Variants in KRABD2 observed in about 807,000 individuals in gnomAD.
The protein encoded by KRABD2 is KRAB domain-containing protein 2.
At chr17:8,361,675 A>G in the KRABD2 span, among the ~76,000 whole-genome samples, 1 of 152,130 alleles carries the variant, frequency 6.6e-6, no homozygotes, top group Non-Finnish European at 1.5e-5. Context: ...CTTCCACCTC[A>G]GCCACCCAAG....
the KRABD2 span, chr17:8,373,598 C>G: frequency 1.1e-5 from 2 of 177,660 alleles, no homozygotes; most frequent in South Asian, 1.0e-4. Context: ...GCTGCCACCC[C>G]GTCTGGGAAG....
the KRABD2 span, chr17:8,372,124 AAG>A: frequency 2.0e-6 from 2 of 981,394 alleles, no homozygotes; most frequent in Non-Finnish European, 2.4e-6. The surrounding 1 kb of genome is among the most constrained non-coding windows in gnomAD (Gnocchi z 4.1). Flanking sequence ...GGCTCTGAGC[AAG>A]AGTCTCAGTT....
chr17:8,375,705 T>C, the KRABD2 span: 44 of 196,688 alleles, frequency 2.2e-4, no homozygotes, highest in African/African-American at 5.2e-4. Context: ...TTCTTTCTTT[T>C]TTTTTTTTTT....
chr17:8,375,073 G>A, the KRABD2 span, among the ~76,000 whole-genome samples: 3 of 150,858 alleles, frequency 2.0e-5, no homozygotes, highest in African/African-American at 7.3e-5. Context: ...GTGCAGTGGC[G>A]CGATCCCGGC....
At chr17:8,366,137 A>T in the KRABD2 span, among the ~76,000 whole-genome samples, 3 of 150,792 alleles carry the variant, frequency 2.0e-5, no homozygotes, top group African/African-American at 7.4e-5. Flanking sequence ...TCAAAAAAAA[A>T]ATAATAAAAT....
chr17:8,371,413 G>A, the KRABD2 span: 2 of 1,614,126 alleles, frequency 1.2e-6, no homozygotes, highest in South Asian at 2.2e-5. Flanking sequence ...TTCAAATGCT[G>A]TTGCTTCCTG....
chr17:8,369,907 TAC>T, the KRABD2 span: 6 of 1,614,242 alleles, frequency 3.7e-6, no homozygotes, highest in Non-Finnish European at 4.2e-6. Context: ...TGGCACTGTT[TAC>T]ACAGAGTCAG....
the KRABD2 span, among the ~76,000 whole-genome samples, chr17:8,366,588 T>G: frequency 6.6e-6 from 1 of 152,244 alleles, no homozygotes; most frequent in Non-Finnish European, 1.5e-5. Flanking sequence ...CACAATTATC[T>G]GTGCATAATG....
the KRABD2 span, among the ~76,000 whole-genome samples, chr17:8,362,135 C>T: frequency 1.6e-4 from 24 of 152,098 alleles, no homozygotes; most frequent in South Asian, 2.1e-3. This position sits in a 1 kb window ranked among gnomAD's most constrained non-coding sequence, Gnocchi z 4.2. Flanking sequence ...CAAGACCGAC[C>T]GTCCTGGCTA....
chr17:8,373,180 C>T, the KRABD2 span, among the ~76,000 whole-genome samples: 5 of 144,442 alleles, frequency 3.5e-5, no homozygotes, highest in African/African-American at 1.3e-4. Flanking sequence ...TCCGTCTCCA[C>T]GGTCTCCCTC....
At chr17:8,376,217 A>ATTAG in the KRABD2 span, 1 of 1,231,246 alleles carries the variant, frequency 8.1e-7, no homozygotes, top group Non-Finnish European at 1.0e-6. Context: ...AATGTCGCTT[A>ATTAG]CAGGTAGGTC....
chr17:8,375,881 G>C, the KRABD2 span: 1 of 1,226,734 alleles, frequency 8.2e-7, no homozygotes, highest in Non-Finnish European at 1.0e-6. Flanking sequence ...CCAAAGCCAT[G>C]TTTACTCCCT....
the KRABD2 span, among the ~76,000 whole-genome samples, chr17:8,374,031 C>T: frequency 3.3e-5 from 5 of 151,598 alleles, no homozygotes; most frequent in African/African-American, 9.7e-5. Flanking sequence ...CCGCCCCGTC[C>T]GGGAGGGAGG....
At chr17:8,376,650 A>C in the KRABD2 span, 1 of 985,486 alleles carries the variant, frequency 1.0e-6, no homozygotes, top group Non-Finnish European at 1.2e-6. Context: ...AAAGGGACAC[A>C]CCAGACGCGG....
At chr17:8,369,449 G>A in the KRABD2 span, 236,582 of 1,613,934 alleles carry the variant, frequency 0.15, 18,322 homozygotes, top group East Asian at 0.29. Context: ...GCATGAATCG[G>A]AGGCCTTTGG....
chr17:8,372,023 G>A, the KRABD2 span: 2 of 985,448 alleles, frequency 2.0e-6, no homozygotes, highest in East Asian at 1.1e-4. This position sits in a 1 kb window ranked among gnomAD's most constrained non-coding sequence, Gnocchi z 4.1. Flanking sequence ...GCAAGCTTAG[G>A]AAAACAGGAT....
chr17:8,372,545 G>C, the KRABD2 span, among the ~76,000 whole-genome samples: 1 of 152,104 alleles, frequency 6.6e-6, no homozygotes, highest in African/African-American at 2.4e-5. The surrounding 1 kb of genome is among the most constrained non-coding windows in gnomAD (Gnocchi z 4.1). Flanking sequence ...GCTCGTTTTG[G>C]CCTCCCAAAG....
chr17:8,363,629 G>A, the KRABD2 span, among the ~76,000 whole-genome samples: 1 of 151,736 alleles, frequency 6.6e-6, no homozygotes, highest in South Asian at 2.1e-4. Flanking sequence ...TTACAGGCAT[G>A]AGCCACTGCA....
chr17:8,361,927 C>T, the KRABD2 span, among the ~76,000 whole-genome samples: 143 of 152,332 alleles, frequency 9.4e-4, no homozygotes, highest in African/African-American at 3.2e-3. Context: ...ACTTTCTGAG[C>T]TTTATTTCTT....
Sources: gnomAD v4.1 joint callset for allele counts (sites outside exome capture counted in the v4.1 genomes callset) on GRCh38, gnomAD v4.1.1 for gene constraint, Gnocchi (gnomAD v3.1) non-coding constraint, MANE v1.5 for transcripts, NCBI Gene and HGNC (gene_info 2026-07-23, HGNC 2026-07-21) for gene names.